The following GPC5 variants were observed in gnomAD, a reference collection of about 807,000 sequenced individuals.
The protein encoded by GPC5 is glypican-5.
GPC5 carries 47 observed loss-of-function variants against 53.9 expected under a neutral mutation model. The ratio of observed to expected loss-of-function variants is 0.87; its 90% CI spans 0.69 to 1.11. The LOEUF (loss-of-function observed/expected upper bound fraction) is 1.11, where lower values mean the gene tolerates loss of function less well. GPC5 is among the 50% of genes most tolerant of loss of function. The probability of loss-of-function intolerance (pLI) is 0.00; values close to 1 mark genes in which losing one functional copy is unlikely to be tolerated. For missense variants in GPC5, 748 were observed against 713.1 expected (o/e 1.05, Z -0.56); for synonymous variants, 286 against 263.3 (o/e 1.09, Z -0.84).
intron 5 of GPC5, among the ~76,000 whole-genome samples, chr13:91,813,920 ATTTTTTTT>A (rs71113766): frequency 4.1e-5 from 3 of 72,614 alleles, no homozygotes; most frequent in African/African-American, 5.9e-5. Flanking sequence ...ATCTTAACTG[ATTTTTTTT>A]TTTTTTTTTT....
chr13:91,508,594 G>A lies in GPC5; in HGVS notation c.325+59672G>A, dbSNP rs548211032. The stretch of plus-strand genomic sequence containing the variant: ...GGACATGAAGTTCTATTTATTAAGT[G>A]CCTGCTCTGTGTCACGCCCAGGAGA... On this transcript the variant is annotated intron_variant, in intron 2 of 7. Transcript: ENST00000377067. 1.1e-3 allele frequency among the ~76,000 whole-genome samples: 170 copies of A among 152,260 alleles called. 2 individuals carry two copies. The highest frequency in any genetic ancestry group is 3.9e-3 in the African/African-American group (163 of 41,540).
chr13:92,286,110 A>C (rs2042952399), intron 7 of GPC5, among the ~76,000 whole-genome samples: 1 of 152,236 alleles, frequency 6.6e-6, no homozygotes, highest in Admixed American at 6.5e-5. Context: ...GAAGACCTTT[A>C]TGCAGCCAAC....
At chr13:92,782,019 A>G (rs1225205365) in intron 7 of GPC5, among the ~76,000 whole-genome samples, 1 of 151,226 alleles carries the variant, frequency 6.6e-6, no homozygotes, top group Non-Finnish European at 1.5e-5. Flanking sequence ...CCCATGGCCT[A>G]TTAATAAGTG....
At chr13:92,279,099 T>G (rs2042895613) in intron 7 of GPC5, among the ~76,000 whole-genome samples, 1 of 152,104 alleles carries the variant, frequency 6.6e-6, no homozygotes, top group African/African-American at 2.4e-5. Context: ...CTGAATCTTC[T>G]GATTACTTTG....
chr13:91,842,565 G>A (rs934932281), intron 5 of GPC5, among the ~76,000 whole-genome samples: 1 of 150,474 alleles, frequency 6.6e-6, no homozygotes, highest in Non-Finnish European at 1.5e-5. Flanking sequence ...AGCCGGGCGT[G>A]TTGGCGGGCG....
chr13:92,685,225 T>G (rs960331300), intron 7 of GPC5, among the ~76,000 whole-genome samples: 21 of 152,106 alleles, frequency 1.4e-4, no homozygotes, highest in African/African-American at 5.1e-4. Flanking sequence ...CCTGAGTAGC[T>G]GTGATTACAG....
intron 7 of GPC5, among the ~76,000 whole-genome samples, chr13:92,696,244 C>T (rs1300190394): frequency 6.6e-6 from 1 of 152,142 alleles, no homozygotes; most frequent in African/African-American, 2.4e-5. Flanking sequence ...AATGGCATTT[C>T]TAGTTCTAGA....
At chr13:92,068,415 T>A (rs1408764005) in intron 6 of GPC5, among the ~76,000 whole-genome samples, 1 of 151,776 alleles carries the variant, frequency 6.6e-6, no homozygotes, top group African/African-American at 2.4e-5. Flanking sequence ...TTAGTTCTAA[T>A]ATTTTAGTTT....
intron 7 of GPC5, among the ~76,000 whole-genome samples, chr13:92,338,780 C>T (rs2043343114): frequency 6.6e-6 from 1 of 152,002 alleles, no homozygotes; most frequent in Non-Finnish European, 1.5e-5. Context: ...TTATAGGGAA[C>T]TGAAATCATT....
intron 2 of GPC5, among the ~76,000 whole-genome samples, chr13:91,463,887 A>G (rs1011685947): frequency 4.6e-5 from 7 of 152,128 alleles, no homozygotes; most frequent in African/African-American, 1.7e-4. Flanking sequence ...AAGAACACCC[A>G]TGTTTCATAA....
At chr13:92,046,867 G>T (rs192433927) in intron 6 of GPC5, among the ~76,000 whole-genome samples, 4 of 152,098 alleles carry the variant, frequency 2.6e-5, no homozygotes, top group Non-Finnish European at 5.9e-5. Flanking sequence ...GTATATTTTC[G>T]CAGGGATTAT....
chr13:91,952,587 T>C (rs933364655), intron 6 of GPC5, among the ~76,000 whole-genome samples: 2 of 152,006 alleles, frequency 1.3e-5, no homozygotes, highest in African/African-American at 4.8e-5. Context: ...AAAAAGAATC[T>C]CTGGGAATGA....
At chr13:92,453,470 A>G (rs1316317991) in intron 7 of GPC5, among the ~76,000 whole-genome samples, 5 of 152,122 alleles carry the variant, frequency 3.3e-5, no homozygotes, top group Non-Finnish European at 7.3e-5. Context: ...ACACTGAATG[A>G]CATGAGCCCC....
At chr13:91,772,923 A>AT (rs979453711) in intron 5 of GPC5, among the ~76,000 whole-genome samples, 6 of 151,994 alleles carry the variant, frequency 3.9e-5, no homozygotes, top group Middle Eastern at 3.2e-3. Context: ...TTTTTGGGTA[A>AT]TTTTTTTTCT....
chr13:92,369,245 G>A (rs2043631288), intron 7 of GPC5, among the ~76,000 whole-genome samples: 4 of 152,194 alleles, frequency 2.6e-5, no homozygotes, highest in Admixed American at 2.6e-4. Flanking sequence ...GTGCAGTGGT[G>A]TGATTTCAGT....
At chr13:91,462,003 T>C (rs886299715) in intron 2 of GPC5, among the ~76,000 whole-genome samples, 1 of 152,192 alleles carries the variant, frequency 6.6e-6, no homozygotes, top group Non-Finnish European at 1.5e-5. Flanking sequence ...ACTTTTCTGC[T>C]GCCCACTGGT....
intron 7 of GPC5, among the ~76,000 whole-genome samples, chr13:92,574,729 C>A (rs975851888): frequency 6.6e-6 from 1 of 152,142 alleles, no homozygotes; most frequent in Non-Finnish European, 1.5e-5. Context: ...GTCAAGACAA[C>A]TTTGAGGTGA....
intron 7 of GPC5, among the ~76,000 whole-genome samples, chr13:92,615,182 T>C (rs962176961): frequency 3.9e-5 from 6 of 152,248 alleles, no homozygotes; most frequent in African/African-American, 1.2e-4. Flanking sequence ...ACGCTAAGCC[T>C]CTGTTTTCTC....
intron 7 of GPC5, among the ~76,000 whole-genome samples, chr13:92,571,375 G>A (rs1883017304): frequency 6.6e-6 from 1 of 152,178 alleles, no homozygotes; most frequent in South Asian, 2.1e-4. Flanking sequence ...CAAGCAGTAA[G>A]TGAAAGAAGG....
Sources: gnomAD v4.1 joint callset for allele counts (sites outside exome capture counted in the v4.1 genomes callset) on GRCh38, gnomAD v4.1.1 for gene constraint, MANE v1.5 for transcripts, NCBI Gene and HGNC (gene_info 2026-07-23, HGNC 2026-07-21) for gene names.